The following TERT variants were observed in gnomAD, a reference collection of about 807,000 sequenced individuals.
TERT encodes telomerase reverse transcriptase, also known as telomerase catalytic subunit.
Under a neutral mutation model 104.0 loss-of-function variants are expected in TERT, and 42 were observed. The observed-to-expected ratio is 0.40, with a 90% CI of 0.32 to 0.52. TERT has a LOEUF of 0.52. TERT is among the 20% of genes least tolerant of loss of function. The probability of loss-of-function intolerance (pLI) is 0.43; values close to 1 mark genes in which losing one functional copy is unlikely to be tolerated. For synonymous variants in TERT, 781 were observed against 725.6 expected, an observed-to-expected ratio of 1.08 and a Z score of -1.23; for missense variants, 1,101 against 1,610.3, an observed-to-expected ratio of 0.68 and a Z score of 5.41.
chr5:1,258,485 G>A, intron 13 of TERT, 113 bp downstream of exon 13: 1 of 947,668 alleles, frequency 1.1e-6, no homozygotes, highest in Non-Finnish European at 1.7e-6. Context: ...GAAAACGTAA[G>A]ACATTCCTTG....
chr5:1,293,199 T>A, intron 2 of TERT, 114 bp downstream of exon 2: 1 of 1,336,498 alleles, frequency 7.5e-7, no homozygotes, highest in Non-Finnish European at 1.0e-6. Context: ...AAAAGCCACG[T>A]GTGCCCACGT....
chr5:1,280,363 G>A, intron 3 of TERT, 25 bp from the exon 4 acceptor site: 1 of 1,608,752 alleles, frequency 6.2e-7, no homozygotes, highest in Non-Finnish European at 8.5e-7. Context: ...CCCTCAGGAG[G>A]CTTGCTCAGC....
intron 11 of TERT, chr5:1,264,114 G>A (rs1561192795): frequency 8.3e-6 from 4 of 479,230 alleles, no homozygotes; most frequent in Non-Finnish European, 1.5e-5. Context: ...GGGCGTCTTG[G>A]GTTCGGATCC....
rs1747764971 is a variant in TERT at position 1,256,709 on chromosome 5, A to C, written c.3033-1298T>G. ...CTTTTCCCCATTTAGCAACAACGGAAGCCAGGCCCAGAATGTTTTTAAACA... is the reference window on the plus strand; with the variant it reads ...CTTTTCCCCATTTAGCAACAACGGACGCCAGGCCCAGAATGTTTTTAAACA... On this transcript the variant is annotated intron_variant, in intron 13 of 15. Transcript: ENST00000310581. This position sits in a 1 kb window ranked among gnomAD's most constrained non-coding sequence, Gnocchi z 7.0. Among the ~76,000 whole-genome samples the C allele has an allele frequency of 6.6e-6, 1 of 152,206 alleles. No individual in the cohort carries two copies. The highest frequency in any genetic ancestry group is 1.5e-5 in the Non-Finnish European group (1 of 68,040).
At chr5:1,276,464 C>T (rs1311264005) in intron 6 of TERT, among the ~76,000 whole-genome samples, 1 of 149,856 alleles carries the variant, frequency 6.7e-6, no homozygotes, top group African/African-American at 2.4e-5. Flanking sequence ...CCACCTACCC[C>T]ACACATAAAA....
chr5:1,267,218 AG>A (rs2126603480), intron 9 of TERT, among the ~76,000 whole-genome samples: 1 of 152,386 alleles, frequency 6.6e-6, no homozygotes, highest in East Asian at 1.9e-4. Context: ...GAGTTTCAAA[AG>A]ATGCACAGGA....
In TERT at chr5:1,255,270, C is replaced by T; in HGVS notation, c.3157+17G>A. On this transcript the variant is annotated intron_variant, in intron 14 of 15. Coordinates refer to ENST00000310581, the MANE Select transcript of TERT (RefSeq NM_198253.3). The surrounding 1 kb of genome is among the most constrained non-coding windows in gnomAD (Gnocchi z 6.9). The stretch of plus-strand genomic sequence containing the variant: ...AGGCAGGCACTGCTGCCACTGAGGC[C>T]AGGCACCTGCACATACCTGCGTTCT... 6.2e-7 allele frequency: 1 copy of T among 1,612,736 alleles called. No individual in the cohort carries two copies. The highest frequency in any genetic ancestry group is 1.1e-5 in the South Asian group (1 of 90,652).
rs1344302792 is a variant in TERT at position 1,253,407 on chromosome 5, G to A, written c.*321C>T. The A allele has an allele frequency of 5.9e-6, 3 of 508,440 alleles. No individual in the cohort carries two copies. Among genetic ancestry groups the A allele is most frequent in the Non-Finnish European group, 1.1e-5 (3 of 278,458 alleles). 31.5% of individuals were successfully genotyped at this position (508,440 alleles called of 1,614,324 possible). A position where few individuals can be genotyped will look rare whatever the true frequency, so the allele number is the denominator to read the frequency against. On this transcript the variant is annotated 3_prime_UTR_variant, in exon 16 of 16. Transcript: ENST00000310581. Reference sequence around the variant, plus strand: ...GTGAACAATGGCGAATCTGGGGATGGACTATTCCTATGTGGGGAGTGGAAG... The same window carrying A: ...GTGAACAATGGCGAATCTGGGGATGAACTATTCCTATGTGGGGAGTGGAAG...
rs563298077 is a variant in TERT at position 1,265,158 on chromosome 5, G to A, written c.2655-566C>T. Among the ~76,000 whole-genome samples, 4 of 152,296 alleles carry A rather than the reference G, an allele frequency of 2.6e-5. No homozygotes were observed. Among genetic ancestry groups the A allele is most frequent in the South Asian group, 2.1e-4 (1 of 4,828 alleles). ...TTCACGTCAAGGAGGTTCCCTCGCC[G>A]AGTCATGAGCCTCGCTCACCCAGCT... On this transcript the variant is annotated intron_variant, in intron 10 of 15. Coordinates refer to ENST00000310581, the MANE Select transcript of TERT (RefSeq NM_198253.3). This position sits in a 1 kb window ranked among gnomAD's most constrained non-coding sequence, Gnocchi z 6.9.
At chr5:1,254,601 G>A in intron 14 of TERT, 96 bp from the exon 15 acceptor site, 1 of 1,453,868 alleles carries the variant, frequency 6.9e-7, no homozygotes, top group African/African-American at 1.4e-5. Context: ...TCTGCGGGGT[G>A]GCTCCATCTC....
At position 1,292,788 on chromosome 5, in the gene TERT, C is replaced by T. The variant is rs1751074277; in HGVS notation, c.1573+525G>A. Among the ~76,000 whole-genome samples, 1 of 152,220 alleles carries T rather than the reference C, an allele frequency of 6.6e-6. No individual in the cohort carries two copies. The highest frequency in any genetic ancestry group is 1.5e-5 in the Non-Finnish European group (1 of 68,032). ...TCAGCTTCCCAAAGTGCTGGGATTA[C>T]CGGCGTGAGCCACCGCACCTGGCCG... On this transcript the variant is annotated intron_variant, in intron 2 of 15. Transcript: ENST00000310581. This position sits in a 1 kb window ranked among gnomAD's most constrained non-coding sequence, Gnocchi z 5.5.
At position 1,294,376 on chromosome 5, in the gene TERT, C is replaced by T; in HGVS notation, c.510G>A (p.Val170=). 6.3e-7 allele frequency: 1 copy of T among 1,578,962 alleles called. No homozygotes were observed. Among genetic ancestry groups the T allele is most frequent in the Non-Finnish European group, 8.5e-7 (1 of 1,170,414 alleles). The change falls in exon 2 of 16, where the codon GTG becomes GTA. Residue 170 remains valine, a synonymous_variant. Coordinates refer to ENST00000310581, the MANE Select transcript of TERT (RefSeq NM_198253.3). The stretch of plus-strand genomic sequence containing the variant: ...CGAGCTGGTACAGCGGCGGCCCGCA[C>T]ACCTGGTAGGCGCAGCTGGGAGCCA... The part of the protein sequence containing the change: ...VLVAPSCAYQ[V]CGPPLYQLGA...
intron 6 of TERT, among the ~76,000 whole-genome samples, chr5:1,273,061 AC>A (rs1561198523): frequency 1.0e-5 from 1 of 97,688 alleles, no homozygotes; most frequent in Admixed American, 1.0e-4. Flanking sequence ...GACCCCTGTG[AC>A]CGATCACCAT....
chr5:1,291,051 C>A (rs62332597), intron 2 of TERT, among the ~76,000 whole-genome samples: 1 of 9,650 alleles, frequency 1.0e-4, no homozygotes, highest in South Asian at 3.6e-3. Flanking sequence ...CAGGGACACC[C>A]GGGGACAGTG....
At chr5:1,284,865 C>G (rs558559446) in intron 2 of TERT, among the ~76,000 whole-genome samples, 38 of 141,468 alleles carry the variant, frequency 2.7e-4, no homozygotes, top group African/African-American at 9.3e-4. Context: ...ACCGCACGGT[C>G]TGGCACCGTC....
chr5:1,273,245 C>T (rs868402578), intron 6 of TERT, among the ~76,000 whole-genome samples: 1 of 24,604 alleles, frequency 4.1e-5, no homozygotes, highest in Non-Finnish European at 6.8e-5. Context: ...ACCCCACGAC[C>T]GCCATCCACA....
At chr5:1,254,122 G>A (rs939308713) in intron 15 of TERT, among the ~76,000 whole-genome samples, 1 of 152,178 alleles carries the variant, frequency 6.6e-6, no homozygotes, top group Non-Finnish European at 1.5e-5. Context: ...AGGCTCCCAA[G>A]CGTGGGGAGC....
At chr5:1,283,285 G>A (rs1750184309) in intron 2 of TERT, among the ~76,000 whole-genome samples, 1 of 126,954 alleles carries the variant, frequency 7.9e-6, no homozygotes, top group African/African-American at 3.1e-5. Flanking sequence ...AGGGCCTGGC[G>A]ACCTCACGCC....
Position 1,268,424 on chromosome 5 carries a change from A to G in TERT, c.2582+96T>C, listed in dbSNP as rs1308504997. On this transcript the variant is annotated intron_variant, in intron 9 of 15. Coordinates refer to ENST00000310581, the MANE Select transcript of TERT (RefSeq NM_198253.3). This position sits in a 1 kb window ranked among gnomAD's most constrained non-coding sequence, Gnocchi z 5.5. ...CTTGTCTGGTTCCTCAAGACAGAGCAGTCATGGTCTCCAGAGCACCAGGAA... is the reference window on the plus strand; with the variant it reads ...CTTGTCTGGTTCCTCAAGACAGAGCGGTCATGGTCTCCAGAGCACCAGGAA... The G allele has an allele frequency of 2.0e-5, 19 of 945,454 alleles. No homozygotes were observed. The highest frequency in any genetic ancestry group is 2.8e-5 in the Non-Finnish European group (17 of 602,162). The allele number at this position is 945,454 out of a possible 1,614,324, so 58.6% of individuals were successfully genotyped here.
Sources: gnomAD v4.1 joint callset for allele counts (sites outside exome capture counted in the v4.1 genomes callset) on GRCh38, gnomAD v4.1.1 for gene constraint, Gnocchi (gnomAD v3.1) non-coding constraint, MANE v1.5 for transcripts, NCBI Gene and HGNC (gene_info 2026-07-23, HGNC 2026-07-21) for gene names.